Variants in GTF2A2 observed in about 807,000 individuals in gnomAD.
GTF2A2 encodes general transcription factor IIA subunit 2.
Under a neutral mutation model 14.3 loss-of-function variants are expected in GTF2A2, and 9 were observed. That is an observed-to-expected ratio of 0.63 (90% CI 0.38 to 1.10). The LOEUF is 1.10. Among genes scored for constraint, GTF2A2 ranks in the 50% least tolerant of loss-of-function variants. GTF2A2 has a pLI of 0.01. For missense variants in GTF2A2, 90 were observed against 124.6 expected, an observed-to-expected ratio of 0.72 and a Z score of 1.32; for synonymous variants, 56 against 46.0, an observed-to-expected ratio of 1.22 and a Z score of -0.88.
At chr15:59,653,057 A>G (rs1208256394) in intron 1 of GTF2A2, 1 of 152,346 alleles carries the variant, frequency 6.6e-6, no homozygotes, top group Non-Finnish European at 1.5e-5. Context: ...TTATCAGGGC[A>G]TAAGTACGAA....
intron 1 of GTF2A2, among the ~76,000 whole-genome samples, chr15:59,654,118 A>C (rs1351348273): frequency 6.6e-6 from 1 of 152,202 alleles, no homozygotes; most frequent in African/African-American, 2.4e-5. Context: ...ACTTTAAAAC[A>C]TAAGGCAAAT....
At chr15:59,643,357 G>A (rs1393276687) in intron 3 of GTF2A2, among the ~76,000 whole-genome samples, 2 of 151,726 alleles carry the variant, frequency 1.3e-5, no homozygotes, top group African/African-American at 4.8e-5. Flanking sequence ...TGGGATTACA[G>A]GCATGAATCA....
Position 59,638,744 on chromosome 15 carries a change from C to CAAAACATGACTTTAT in GTF2A2, c.*373_*387dup, listed in dbSNP as rs1891272037. 1 of 156,568 alleles carries CAAAACATGACTTTAT rather than the reference C, an allele frequency of 6.4e-6. No individual in the cohort carries two copies. The highest frequency in any genetic ancestry group is 1.4e-5 in the Non-Finnish European group (1 of 71,732). The allele number at this position is 156,568 out of a possible 1,614,324, so 9.7% of individuals were successfully genotyped here. A position where few individuals can be genotyped will look rare whatever the true frequency, so the allele number is the denominator to read the frequency against. On this transcript the variant is annotated 3_prime_UTR_variant, in exon 5 of 5. Transcript: ENST00000396060. ...TTTCATCAGGTAAAGTTACAACTGA[C>CAAAACATGACTTTAT]AAAACATGACTTTATTGAAATAAGC...
At chr15:59,653,177 G>A (rs1306324914) in intron 1 of GTF2A2, among the ~76,000 whole-genome samples, 1 of 152,152 alleles carries the variant, frequency 6.6e-6, no homozygotes, top group African/African-American at 2.4e-5. Flanking sequence ...GGAAAGGTCA[G>A]ACAGCTGGGC....
intron 4 of GTF2A2, among the ~76,000 whole-genome samples, chr15:59,640,719 TAAATATAAC>T (rs1481636701): frequency 6.6e-6 from 1 of 151,408 alleles, no homozygotes; most frequent in African/African-American, 2.5e-5. Flanking sequence ...CTAATAAAAA[TAAATATAAC>T]AAGGGTTACG....
Position 59,638,833 on chromosome 15 carries a change from T to C in GTF2A2, c.*299A>G. On this transcript the variant is annotated 3_prime_UTR_variant, in exon 5 of 5. Transcript: ENST00000396060. Reference sequence around the variant, plus strand: ...GAAAATGCATTATCTAATATCTTCATATTGCTACCTTAATAGCTTCACCAG... The same window carrying C: ...GAAAATGCATTATCTAATATCTTCACATTGCTACCTTAATAGCTTCACCAG... 3.5e-6 allele frequency: 1 copy of C among 287,986 alleles called. No homozygotes were observed. Among genetic ancestry groups the C allele is most frequent in the Non-Finnish European group, 6.5e-6 (1 of 154,810 alleles). The allele number at this position is 287,986 out of a possible 1,614,324, so 17.8% of individuals were successfully genotyped here.
intron 1 of GTF2A2, among the ~76,000 whole-genome samples, chr15:59,655,163 G>A (rs1891905827): frequency 1.3e-5 from 2 of 152,068 alleles, no homozygotes; most frequent in Non-Finnish European, 1.5e-5. Flanking sequence ...CCTCTCTGCG[G>A]ATCATTTCCA....
At chr15:59,647,961 C>A (rs1891660846) in intron 3 of GTF2A2, among the ~76,000 whole-genome samples, 1 of 152,160 alleles carries the variant, frequency 6.6e-6, no homozygotes, top group Non-Finnish European at 1.5e-5. Flanking sequence ...GTTAGAAGGG[C>A]TATTTTTCTT....
At chr15:59,644,241 C>T (rs1013207480) in intron 3 of GTF2A2, 1 of 152,110 alleles carries the variant, frequency 6.6e-6, no homozygotes, top group African/African-American at 2.4e-5. Context: ...TAGACACCAA[C>T]AGAATACAAT....
At chr15:59,645,364 A>G (rs905422158) in intron 3 of GTF2A2, among the ~76,000 whole-genome samples, 1 of 152,320 alleles carries the variant, frequency 6.6e-6, no homozygotes, top group African/African-American at 2.4e-5. Context: ...AATACCAACA[A>G]TTAAATGATA....
intron 3 of GTF2A2, among the ~76,000 whole-genome samples, chr15:59,647,787 C>T (rs1329038695): frequency 6.6e-6 from 1 of 151,904 alleles, no homozygotes; most frequent in Non-Finnish European, 1.5e-5. Context: ...CCAGTCTGGT[C>T]TCAAATTCCT....
chr15:59,639,306 A>G (rs535359350), intron 4 of GTF2A2, 149 bp from the exon 5 acceptor site: 1 of 644,140 alleles, frequency 1.6e-6, no homozygotes, highest in Admixed American at 2.6e-5. Flanking sequence ...GAAAGGTGAC[A>G]CTGTAAATAT....
At chr15:59,652,365 T>G (rs1243952337) in intron 1 of GTF2A2, 39 bp from the exon 2 acceptor site, 2 of 698,922 alleles carry the variant, frequency 2.9e-6, no homozygotes, top group Admixed American at 2.4e-5. Context: ...AAGATCATAC[T>G]GTAACATCAT....
chr15:59,642,877 C>G (rs1891477482), intron 3 of GTF2A2, among the ~76,000 whole-genome samples: 1 of 152,020 alleles, frequency 6.6e-6, no homozygotes, highest in African/African-American at 2.4e-5. Flanking sequence ...AGAGATTCTC[C>G]TACCTCAGCC....
At position 59,639,065 on chromosome 15, in the gene GTF2A2, C is replaced by G. The variant is rs1891288001; in HGVS notation, c.*67G>C. 3 of 909,882 alleles carry G rather than the reference C, an allele frequency of 3.3e-6. No individual in the cohort carries two copies. The East Asian group carries it at 7.3e-5, about 22-fold the overall frequency. 56.4% of individuals were successfully genotyped at this position (909,882 alleles called of 1,614,324 possible). A position where few individuals can be genotyped will look rare whatever the true frequency, so the allele number is the denominator to read the frequency against. ...CAATTCTAGAATAAATAAAAAGTCT[C>G]TTCTATGCTTCTCTTCAAAAGCAAT... On this transcript the variant is annotated 3_prime_UTR_variant, in exon 5 of 5. Transcript: ENST00000396060.
At chr15:59,655,744 C>T (rs1243482924) in intron 1 of GTF2A2, among the ~76,000 whole-genome samples, 2 of 152,168 alleles carry the variant, frequency 1.3e-5, no homozygotes, top group African/African-American at 4.8e-5. Context: ...GCCTACTCAA[C>T]ATCTCTATTT....
In GTF2A2 at chr15:59,650,718, G is replaced by A. The variant is rs772162059; in HGVS notation, c.128C>T (p.Ala43Val). 1.9e-6 allele frequency: 3 copies of A among 1,611,606 alleles called. No homozygotes were observed. The highest frequency in any genetic ancestry group is 3.3e-5 in the Admixed American group (2 of 60,024). Residue 43 changes from alanine (A) to valine (V), a missense_variant, in exon 3 of 5, where the codon GCT (alanine) becomes GTT (valine). Transcript: ENST00000396060. ...CCTCTGAGCCAGTGCTGCATTTATAGCCTTATCAAACTGAAGTAGAACTTG... is the reference window on the plus strand; with the variant it reads ...CCTCTGAGCCAGTGCTGCATTTATAACCTTATCAAACTGAAGTAGAACTTG... ...ALQVLLQFDK[A>V]INAALAQRVR...
chr15:59,638,227 A>G lies in GTF2A2; in HGVS notation c.*905T>C, dbSNP rs1891245034. On this transcript the variant is annotated 3_prime_UTR_variant, in exon 5 of 5. Transcript: ENST00000396060. ...CCTAGCCAAAGTTAGTTTTAATGTG[A>G]GAGTCAAGGACTACAGTGGCATGCT... The G allele has an allele frequency of 1.3e-5, 2 of 152,114 alleles. No individual in the cohort carries two copies. Among genetic ancestry groups the G allele is most frequent in the South Asian group, 2.1e-4 (1 of 4,830 alleles). 9.4% of individuals were successfully genotyped at this position (152,114 alleles called of 1,614,324 possible).
chr15:59,642,509 A>C (rs1173255988), intron 3 of GTF2A2, among the ~76,000 whole-genome samples: 2 of 152,226 alleles, frequency 1.3e-5, no homozygotes, highest in African/African-American at 4.8e-5. Context: ...CTTACCTGAA[A>C]TATGAAGAAA....
Sources: allele counts gnomAD v4.1 joint callset (sites outside exome capture counted in the v4.1 genomes callset), GRCh38; gene constraint gnomAD v4.1.1; transcripts MANE v1.5; gene names NCBI Gene and HGNC (gene_info 2026-07-23, HGNC 2026-07-21).